Variants in RPL4 observed in about 807,000 individuals in gnomAD.
RPL4 encodes the protein ribosomal protein L4, also known as large ribosomal subunit protein uL4.
A neutral mutation model predicts 47.7 loss-of-function variants in RPL4; 3 were observed. The ratio of observed to expected loss-of-function variants is 0.06; its 90% CI spans 0.03 to 0.16. RPL4 has a LOEUF of 0.16. Ranked by LOEUF, RPL4 falls within the 10% of genes least tolerant of loss-of-function variation. The probability of loss-of-function intolerance (pLI) is 1.00; values close to 1 mark genes in which losing one functional copy is unlikely to be tolerated. For missense variants in RPL4, 413 were observed against 551.3 expected, an observed-to-expected ratio of 0.75 and a Z score of 2.51; for synonymous variants, 208 against 182.1, an observed-to-expected ratio of 1.14 and a Z score of -1.15.
intron 4 of RPL4, 47 bp downstream of exon 4, chr15:66,502,565 G>T: frequency 6.3e-7 from 1 of 1,581,470 alleles, no homozygotes; most frequent in Non-Finnish European, 8.6e-7. Context: ...CAAATAGTAG[G>T]TGTCTTATTT....
intron 7 of RPL4, 133 bp downstream of exon 7, chr15:66,500,816 G>GT: frequency 9.4e-7 from 1 of 1,064,802 alleles, no homozygotes; most frequent in Admixed American, 2.7e-5. Flanking sequence ...TATAGACCAG[G>GT]TGAGTCTCAT....
At position 66,500,208 on chromosome 15, in the gene RPL4, T is replaced by C. The variant is rs932454134; in HGVS notation, c.918-32A>G. ...AAAAGCAGATACTGTATCAACATTTTACTTAACATTATACACATACAAATT... is the reference window on the plus strand; with the variant it reads ...AAAAGCAGATACTGTATCAACATTTCACTTAACATTATACACATACAAATT... On this transcript the variant is annotated intron_variant, in intron 8 of 9. Coordinates refer to ENST00000307961, the MANE Select transcript of RPL4 (RefSeq NM_000968.4). 6.2e-6 allele frequency: 10 copies of C among 1,613,728 alleles called. No individual in the cohort carries two copies. In the African/African-American group the frequency reaches 1.2e-4, roughly 19 times the overall value.
chr15:66,500,912 T>C (rs781375117), intron 7 of RPL4, 37 bp downstream of exon 7: 2 of 1,595,088 alleles, frequency 1.3e-6, no homozygotes, highest in South Asian at 1.1e-5. Context: ...ATATCCACAA[T>C]ATAAACATCT....
chr15:66,503,408 G>T lies in RPL4; in HGVS notation c.125C>A (p.Thr42Asn). 6.2e-7 allele frequency: 1 copy of T among 1,611,056 alleles called. No individual in the cohort carries two copies. Among genetic ancestry groups the T allele is most frequent in the East Asian group, 2.2e-5 (1 of 44,782 alleles). ...CTGTCTGTTGTTTTTGCGCAAGTTGGTGTGAACAAAGTTCACAATATCTGG... is the reference window on the plus strand; with the variant it reads ...CTGTCTGTTGTTTTTGCGCAAGTTGTTGTGAACAAAGTTCACAATATCTGG... Reference protein sequence around the residue: ...IRPDIVNFVHTNLRKNNRQPY... With the variant: ...IRPDIVNFVHNNLRKNNRQPY... Residue 42 changes from threonine (T) to asparagine (N), a missense_variant, in exon 2 of 10, where the codon ACC (threonine) becomes AAC (asparagine). This residue lies in a region of RPL4 where 56 missense variants were observed against 70.6 expected (regional missense o/e 0.79). Coordinates refer to ENST00000307961, the MANE Select transcript of RPL4 (RefSeq NM_000968.4).
In RPL4 at chr15:66,499,419, C is replaced by T; in HGVS notation, c.1272G>A (p.Lys424=). Residue 424 remains lysine (K), a synonymous_variant, in exon 10 of 10, where the codon AAG becomes AAA. Transcript: ENST00000307961. ...CAAATTTAAGAGTTTATGCAGCAGG[C>T]TTCTTCTCCTCTGTAGTAGGTTTCT... ...AEKKPTTEEK[K]PAA is the part of the protein sequence containing the mutation. 6.2e-7 allele frequency: 1 copy of T among 1,607,176 alleles called. No individual in the cohort carries two copies. Among genetic ancestry groups the T allele is most frequent in the Non-Finnish European group, 8.5e-7 (1 of 1,178,668 alleles).
At chr15:66,501,128 AG>A in intron 6 of RPL4, 23 bp from the exon 7 acceptor site, 1 of 1,608,298 alleles carries the variant, frequency 6.2e-7, no homozygotes, top group Non-Finnish European at 8.5e-7. Context: ...AAGAAAAATT[AG>A]GGAGCCTGTA....
Position 66,498,573 on chromosome 15 carries a change from A to G in RPL4, c.*834T>C, listed in dbSNP as rs1172734934. 2 of 152,200 alleles carry G rather than the reference A, an allele frequency of 1.3e-5. No homozygotes were observed. Among genetic ancestry groups the G allele is most frequent in the Admixed American group, 6.5e-5 (1 of 15,276 alleles). 9.4% of individuals were successfully genotyped at this position (152,200 alleles called of 1,614,324 possible). ...TTGAACACAGTTGGTTAACATAATC[A>G]CCAAGACACACAGGCAGTCCTGAAA... On this transcript the variant is annotated 3_prime_UTR_variant, in exon 10 of 10. Coordinates refer to ENST00000307961, the MANE Select transcript of RPL4 (RefSeq NM_000968.4).
At chr15:66,500,735 T>C in intron 7 of RPL4, 2 of 604,556 alleles carry the variant, frequency 3.3e-6, no homozygotes, top group Non-Finnish European at 2.9e-6. Context: ...TAAGCCACGA[T>C]CACACCACTA....
intron 9 of RPL4, 163 bp from the exon 10 acceptor site, chr15:66,499,815 G>C: frequency 9.9e-7 from 1 of 1,012,304 alleles, no homozygotes; most frequent in Non-Finnish European, 1.4e-6. Context: ...CCTGAGGTCA[G>C]GAGTTTGAGA....
intron 7 of RPL4, 83 bp downstream of exon 7, chr15:66,500,866 A>C: frequency 6.7e-7 from 1 of 1,494,840 alleles, no homozygotes; most frequent in Admixed American, 2.0e-5. Context: ...AAATGGGAAT[A>C]AATTTAGAAA....
chr15:66,500,798 A>G lies in RPL4; in HGVS notation c.833+151T>C, dbSNP rs1893595107. 3.2e-6 allele frequency: 3 copies of G among 950,632 alleles called. No homozygotes were observed. In the South Asian group the frequency reaches 5.3e-5, roughly 17 times the overall value. 58.9% of individuals were successfully genotyped at this position (950,632 alleles called of 1,614,324 possible). On this transcript the variant is annotated intron_variant, in intron 7 of 9. Transcript: ENST00000307961. ...CTCTGTCTCAAAAACAAAACAAAAA[A>G]CCAAAAATATAGACCAGGTGAGTCT... is the stretch of plus-strand genomic sequence containing the variant.
rs570335881 is a variant in RPL4, at chr15:66,498,044, G to A, written c.*1363C>T. The A allele has an allele frequency of 5.5e-6, 2 of 361,228 alleles. No individual in the cohort carries two copies. The highest frequency in any genetic ancestry group is 2.1e-5 in the African/African-American group (1 of 48,364). The allele number at this position is 361,228 out of a possible 1,614,324, so 22.4% of individuals were successfully genotyped here. A position where few individuals can be genotyped will look rare whatever the true frequency, so the allele number is the denominator to read the frequency against. On this transcript the variant is annotated 3_prime_UTR_variant, in exon 10 of 10. Coordinates refer to ENST00000307961, the MANE Select transcript of RPL4 (RefSeq NM_000968.4). ...GTTTGGCTATCCTTTAATCCGATAG[G>A]CCATTTGCGCACCAAGTGGTCAAAC...
rs750721368 is a variant in RPL4 at position 66,501,871 on chromosome 15, C to G, written c.463G>C (p.Glu155Gln). Reference protein sequence around the residue: ...EEVPELPLVVEDKVEGYKKTK... With the variant: ...EEVPELPLVVQDKVEGYKKTK... ...TTCTTGTAGCCTTCAACTTTATCTT[C>G]AACTACCAAAGGAAGTTCAGGAACT... The change falls in exon 5 of 10, where the codon GAA becomes CAA. Residue 155 changes from glutamate to glutamine, a missense_variant. Around this residue, in one of 4 missense-constraint regions of RPL4, gnomAD observed 214 missense variants for 304.2 expected, o/e 0.70. Transcript: ENST00000307961. The G allele has an allele frequency of 6.2e-7, 1 of 1,612,042 alleles. No individual in the cohort carries two copies. The highest frequency in any genetic ancestry group is 1.7e-5 in the Admixed American group (1 of 59,962).
intron 4 of RPL4, chr15:66,502,283 G>T (rs1052078131): frequency 7.9e-6 from 3 of 379,856 alleles, no homozygotes; most frequent in African/African-American, 6.3e-5. Context: ...AGAATGAAAA[G>T]AATGTGCAAT....
rs1435535061 is a variant in RPL4, at chr15:66,503,364, A to T, written c.169T>A (p.Leu57Ile). The T allele has an allele frequency of 2.5e-6, 4 of 1,609,944 alleles. No homozygotes were observed. Among genetic ancestry groups the T allele is most frequent in the Non-Finnish European group, 3.4e-6 (4 of 1,176,602 alleles). Residue 57 changes from leucine (L) to isoleucine (I), a missense_variant, in exon 2 of 10, where the codon TTA becomes ATA. By Grantham distance (5) the Leu-to-Ile change is conservative. This residue lies in a region of RPL4 where 56 missense variants were observed against 70.6 expected (regional missense o/e 0.79). Transcript: ENST00000307961. ...AGAAGATATAAATCCATACCTGCTA[A>T]TTCACTGACAGCATAGGGCTGTCTG... The part of the protein sequence containing the change: ...NNRQPYAVSE[L>I]AGHQTSAESW...
At chr15:66,500,625 C>A in intron 7 of RPL4, 2 of 547,574 alleles carry the variant, frequency 3.7e-6, no homozygotes, top group East Asian at 3.2e-5. Flanking sequence ...AAAACCCCAA[C>A]TCTACAATTA....
rs1893605354 is a variant in RPL4, at chr15:66,501,209, T to C, written c.677-104A>G. 9 of 1,557,342 alleles carry C rather than the reference T, an allele frequency of 5.8e-6. No individual in the cohort carries two copies. The East Asian group carries it at 2.0e-4, about 35-fold the overall frequency. The stretch of plus-strand genomic sequence containing the variant: ...TAAAAGGTACCTGAGAACTTATTAA[T>C]TATGAAGTTTCAACCATCAATGGTG... On this transcript the variant is annotated intron_variant, in intron 6 of 9. Coordinates refer to ENST00000307961, the MANE Select transcript of RPL4 (RefSeq NM_000968.4).
At position 66,504,599 on chromosome 15, in the gene RPL4, A is replaced by C. The variant is rs1322627048; in HGVS notation, c.3+189T>G. Among the ~76,000 whole-genome samples the C allele has an allele frequency of 4.0e-5, 6 of 151,544 alleles. 1 individual carries two copies. Among genetic ancestry groups the C allele is most frequent in the Admixed American group, 2.6e-4 (4 of 15,180 alleles). On this transcript the variant is annotated intron_variant, in intron 1 of 9. Coordinates refer to ENST00000307961, the MANE Select transcript of RPL4 (RefSeq NM_000968.4). ...CTTCCCGGCGCGTCCTGTGCTGGGA[A>C]CCCCACGTTGCCTCTAAGATGGCTG...
intron 5 of RPL4, 125 bp downstream of exon 5, chr15:66,501,663 C>T (rs747307085): frequency 5.7e-5 from 86 of 1,503,306 alleles, no homozygotes; most frequent in African/African-American, 8.4e-5. Context: ...CCCAAGTAAT[C>T]GGGCTCTGAG....
Sources: allele counts gnomAD v4.1 joint callset (sites outside exome capture counted in the v4.1 genomes callset), GRCh38; gene constraint gnomAD v4.1.1; regional missense constraint gnomAD v4.1.1; transcripts MANE v1.5; gene names NCBI Gene and HGNC (gene_info 2026-07-23, HGNC 2026-07-21).